LDLRAD4: variants seen among roughly 807,000 people sequenced by gnomAD.
LDLRAD4 encodes low-density lipoprotein receptor class A domain-containing protein 4.
In LDLRAD4, 5 loss-of-function variants were observed where a neutral mutation model predicts 17.0. That is an observed-to-expected ratio of 0.29 (90% confidence interval 0.15 to 0.62). LDLRAD4 has a LOEUF of 0.62. LDLRAD4 is among the 20% of genes least tolerant of loss of function. LDLRAD4 has a pLI of 0.84. For missense variants in LDLRAD4, 340 were observed against 424.7 expected (o/e 0.80, Z 1.75); for synonymous variants, 168 against 171.8 (o/e 0.98, Z 0.17).
At position 13,552,850 on chromosome 18, in the gene LDLRAD4, C is replaced by T. The variant is rs1241240723; in HGVS notation, c.182-68267C>T. 2.0e-5 allele frequency among the ~76,000 whole-genome samples: 3 copies of T among 152,234 alleles called. No individual in the cohort carries two copies. In the South Asian group the frequency reaches 6.2e-4, roughly 32 times the overall value. ...TTGCCTAGGGATCTCCTTTGCCTGG[C>T]TTTATTTCTCTCTTGTTAAGAAAAA... On this transcript the variant is annotated intron_variant, in intron 3 of 5. Transcript: ENST00000359446.
At chr18:13,445,748 T>C (rs572139133) in intron 3 of LDLRAD4, among the ~76,000 whole-genome samples, 12 of 151,124 alleles carry the variant, frequency 7.9e-5, no homozygotes, top group African/African-American at 2.7e-4. Context: ...TGTATGTGTG[T>C]GGGTGTGTGC....
chr18:13,569,488 C>A (rs899136250), intron 3 of LDLRAD4, among the ~76,000 whole-genome samples: 3 of 152,100 alleles, frequency 2.0e-5, no homozygotes, highest in African/African-American at 4.8e-5. Context: ...ATGTGTCTTT[C>A]AAGGAAAAAA....
intron 3 of LDLRAD4, among the ~76,000 whole-genome samples, chr18:13,537,369 G>A (rs959478612): frequency 2.6e-5 from 4 of 152,092 alleles, no homozygotes; most frequent in Non-Finnish European, 4.4e-5. Context: ...ATGGACTGAG[G>A]GTGTGCAGGA....
At chr18:13,564,693 C>CACT (rs1568345887) in intron 3 of LDLRAD4, among the ~76,000 whole-genome samples, 1 of 105,334 alleles carries the variant, frequency 9.5e-6, no homozygotes, top group African/African-American at 3.0e-5. Context: ...CCCGCCTCTG[C>CACT]GCTGCCGCCC....
chr18:13,375,872 G>A (rs1426222847), intron 1 of LDLRAD4, among the ~76,000 whole-genome samples: 1 of 152,180 alleles, frequency 6.6e-6, no homozygotes, highest in Non-Finnish European at 1.5e-5. Flanking sequence ...ACCGGCGTAT[G>A]TGTGTTTCCC....
rs548973040 is a variant in LDLRAD4, at chr18:13,324,234, T to C, written c.-383+46046T>C. Among the ~76,000 whole-genome samples, 19 of 149,562 alleles carry C rather than the reference T, an allele frequency of 1.3e-4. No individual in the cohort carries two copies. In the South Asian group the frequency reaches 3.9e-3, roughly 31 times the overall value. On this transcript the variant is annotated intron_variant, in intron 1 of 5. Coordinates refer to ENST00000359446, the Ensembl canonical transcript of LDLRAD4. ...CTCACTGCAAGCTCCGCCTCCCGGG[T>C]TCACACCATTCTCCTGCCTCAGCCT...
rs1337843035 is a variant in LDLRAD4, at chr18:13,300,289, ACCCCG to A, written c.-383+22103_-383+22107del. ...GCAGCCTCTTCCCACTCTCCTGCCC[ACCCCG>A]CGCCTGTGCTCTGCCTCAGCCACAA... is the stretch of plus-strand genomic sequence containing the variant. On this transcript the variant is annotated intron_variant, in intron 1 of 5. Transcript: ENST00000359446. The surrounding 1 kb of genome is among the most constrained non-coding windows in gnomAD (Gnocchi z 4.2). 6.6e-6 allele frequency among the ~76,000 whole-genome samples: 1 copy of A among 151,948 alleles called. No individual in the cohort carries two copies. The highest frequency in any genetic ancestry group is 2.4e-5 in the African/African-American group (1 of 41,366).
At chr18:13,419,226 A>G (rs1325369317) in intron 2 of LDLRAD4, among the ~76,000 whole-genome samples, 1 of 152,216 alleles carries the variant, frequency 6.6e-6, no homozygotes, top group East Asian at 1.9e-4. Context: ...GTACGTAGAC[A>G]TCTACAACCC....
rs918719319 is a variant in LDLRAD4, at chr18:13,645,951, A to G, written c.*294A>G. 1.8e-5 allele frequency: 5 copies of G among 285,600 alleles called. No homozygotes were observed. The highest frequency in any genetic ancestry group is 3.2e-5 in the Non-Finnish European group (5 of 155,362). 17.7% of individuals were successfully genotyped at this position (285,600 alleles called of 1,614,324 possible). On this transcript the variant is annotated 3_prime_UTR_variant, in exon 6 of 6. Coordinates refer to ENST00000359446, the Ensembl canonical transcript of LDLRAD4. The surrounding 1 kb of genome is among the most constrained non-coding windows in gnomAD (Gnocchi z 5.7). ...CGGGATGCTTTGAAGATACCATGAA[A>G]TAAAACCCACAGAGGTATTTGATGT...
At chr18:13,244,827 T>C (rs555221693) in intron 1 of LDLRAD4, among the ~76,000 whole-genome samples, 5 of 152,338 alleles carry the variant, frequency 3.3e-5, no homozygotes, top group African/African-American at 1.2e-4. Context: ...ATTTGCTGTC[T>C]TCATGGACAG....
chr18:13,645,105 G>T lies in LDLRAD4; in HGVS notation c.391-22G>T, dbSNP rs377549835. 6.3e-6 allele frequency: 10 copies of T among 1,582,452 alleles called. No individual in the cohort carries two copies. In the African/African-American group the frequency reaches 8.1e-5, roughly 13 times the overall value. Reference sequence around the variant, plus strand: ...ATCATTGCGCTCAAACTGTCTTCAAGCCTCTCCTCTTTTCCTTCCAGATCA... The same window carrying T: ...ATCATTGCGCTCAAACTGTCTTCAATCCTCTCCTCTTTTCCTTCCAGATCA... On this transcript the variant is annotated intron_variant, in intron 5 of 5. Coordinates refer to ENST00000359446, the Ensembl canonical transcript of LDLRAD4. This position sits in a 1 kb window ranked among gnomAD's most constrained non-coding sequence, Gnocchi z 5.7.
rs550421601 is a variant in LDLRAD4 at position 13,539,500 on chromosome 18, G to A, written c.182-81617G>A. Among the ~76,000 whole-genome samples the A allele has an allele frequency of 3.3e-5, 5 of 152,300 alleles. No homozygotes were observed. The East Asian group carries it at 7.7e-4, about 23-fold the overall frequency. On this transcript the variant is annotated intron_variant, in intron 3 of 5. Transcript: ENST00000359446. ...GACTTAGTATCCTTCACTACAGAAA[G>A]CCCTTTTATGTTTTTGTGGATAAAC...
At chr18:13,595,379 G>C (rs2095082858) in intron 3 of LDLRAD4, among the ~76,000 whole-genome samples, 1 of 152,066 alleles carries the variant, frequency 6.6e-6, no homozygotes, top group Admixed American at 6.6e-5. Flanking sequence ...TATTCCTGTA[G>C]CTGTATCCCA....
At chr18:13,466,039 T>A (rs112613548) in intron 3 of LDLRAD4, among the ~76,000 whole-genome samples, 74 of 152,360 alleles carry the variant, frequency 4.9e-4, no homozygotes, top group African/African-American at 1.6e-3. Flanking sequence ...CTCAAAATAA[T>A]GCCTGGGTGC....
At chr18:13,295,142 C>T (rs8084152) in intron 1 of LDLRAD4, among the ~76,000 whole-genome samples, 32,058 of 152,074 alleles carry the variant, frequency 0.21, 3,551 homozygotes, top group Middle Eastern at 0.32. Context: ...AATATGGCAG[C>T]AGTAGGGAGA....
At chr18:13,629,719 A>G (rs760656768) in intron 4 of LDLRAD4, among the ~76,000 whole-genome samples, 1 of 152,188 alleles carries the variant, frequency 6.6e-6, no homozygotes, top group Non-Finnish European at 1.5e-5. Context: ...ATAATCTAAT[A>G]GTAAAATCTG....
chr18:13,348,424 C>A (rs1047460159), intron 1 of LDLRAD4, among the ~76,000 whole-genome samples: 1 of 152,156 alleles, frequency 6.6e-6, no homozygotes, highest in African/African-American at 2.4e-5. Flanking sequence ...CCCGATCATT[C>A]CTCTGGAAGT....
chr18:13,280,489 A>G (rs1019464773), intron 1 of LDLRAD4, among the ~76,000 whole-genome samples: 1 of 152,200 alleles, frequency 6.6e-6, no homozygotes, highest in Non-Finnish European at 1.5e-5. Flanking sequence ...TTGGAGGAAA[A>G]TAGCAGAGGT....
upstream of LDLRAD4, among the ~76,000 whole-genome samples, chr18:13,277,585 C>T (rs1027605259): frequency 6.6e-6 from 1 of 152,250 alleles, no homozygotes; most frequent in African/African-American, 2.4e-5. Context: ...GTTACCATCC[C>T]AGCAGTGTCA....
Sources: allele counts gnomAD v4.1 joint callset (sites outside exome capture counted in the v4.1 genomes callset), GRCh38; gene constraint gnomAD v4.1.1; non-coding constraint Gnocchi (gnomAD v3.1); transcripts MANE v1.5; gene names NCBI Gene and HGNC (gene_info 2026-07-23, HGNC 2026-07-21).